Variants in TPST1 observed in about 807,000 individuals in gnomAD.
The protein encoded by TPST1 is tyrosylprotein sulfotransferase 1, also known as protein-tyrosine sulfotransferase 1.
TPST1 carries 20 observed loss-of-function variants against 34.8 expected under a neutral mutation model. The observed-to-expected ratio is 0.57, with a 90% CI of 0.40 to 0.84. TPST1 has a LOEUF of 0.84. TPST1 is among the 40% of genes least tolerant of loss of function. The pLI is 0.00. For synonymous variants in TPST1, 152 were observed against 159.4 expected, an observed-to-expected ratio of 0.95 and a Z score of 0.35; for missense variants, 353 against 455.5, an observed-to-expected ratio of 0.78 and a Z score of 2.05.
At chr7:66,268,040 C>T (rs1164132125) in intron 2 of TPST1, among the ~76,000 whole-genome samples, 1 of 152,026 alleles carries the variant, frequency 6.6e-6, no homozygotes, top group East Asian at 1.9e-4. Flanking sequence ...GCAACCTCCT[C>T]CTCTCGGGCT....
At chr7:66,237,946 A>G (rs901598506) in intron 1 of TPST1, among the ~76,000 whole-genome samples, 6 of 152,192 alleles carry the variant, frequency 3.9e-5, no homozygotes, top group African/African-American at 1.2e-4. Flanking sequence ...TGTAACTGTT[A>G]CAGGGAGGCC....
chr7:66,201,722 G>A (rs541313508), upstream of TPST1, among the ~76,000 whole-genome samples: 27 of 151,738 alleles, frequency 1.8e-4, no homozygotes, highest in Non-Finnish European at 2.2e-4. Context: ...AGTGGGTGGC[G>A]TGCACCCGTA....
chr7:66,356,474 T>A (rs1412723828), intron 4 of TPST1, among the ~76,000 whole-genome samples: 2 of 152,192 alleles, frequency 1.3e-5, no homozygotes, highest in Admixed American at 1.3e-4. Context: ...CAACCTCCCC[T>A]CCCCAGAGTT....
intron 2 of TPST1, among the ~76,000 whole-genome samples, chr7:66,278,100 CAAAAAAAAAAAAAAA>C (rs35654351): frequency 8.0e-5 from 4 of 50,258 alleles, no homozygotes; most frequent in Admixed American, 7.0e-4. Context: ...GACTCCATCT[CAAAAAAAAAAAAAAA>C]AAAAAAAAAA....
At chr7:66,251,248 A>G (rs762699324) in intron 2 of TPST1, among the ~76,000 whole-genome samples, 2 of 152,174 alleles carry the variant, frequency 1.3e-5, no homozygotes, top group Non-Finnish European at 2.9e-5. Flanking sequence ...CTTTATTATT[A>G]TAATAATAAG....
At chr7:66,337,842 A>C (rs1792153213) in intron 3 of TPST1, among the ~76,000 whole-genome samples, 1 of 152,230 alleles carries the variant, frequency 6.6e-6, no homozygotes, top group African/African-American at 2.4e-5. Context: ...CCTATAATAG[A>C]TACACTAAAA....
rs143171032 is a variant in TPST1 at position 66,282,996 on chromosome 7, C to T, written c.846-3515C>T. Among the ~76,000 whole-genome samples, 48 of 152,218 alleles carry T rather than the reference C, an allele frequency of 3.2e-4. No individual in the cohort carries two copies. The East Asian group carries it at 5.2e-3, about 17-fold the overall frequency. The stretch of plus-strand genomic sequence containing the variant: ...TCTAACCATACCACGTGGCTGGGCA[C>T]GGTGGCTCATGCCTGTAGTCCCAGC... On this transcript the variant is annotated intron_variant, in intron 2 of 5. Coordinates refer to ENST00000304842, the MANE Select transcript of TPST1 (RefSeq NM_003596.4).
chr7:66,223,452 C>T (rs1348355045), intron 1 of TPST1, among the ~76,000 whole-genome samples: 1 of 121,460 alleles, frequency 8.2e-6, no homozygotes, highest in African/African-American at 3.0e-5. Context: ...GAGTAAGACC[C>T]TGTCTCAAAA....
At chr7:66,348,839 A>T (rs544837864) in intron 3 of TPST1, among the ~76,000 whole-genome samples, 1 of 152,186 alleles carries the variant, frequency 6.6e-6, no homozygotes, top group Non-Finnish European at 1.5e-5. Context: ...AAATCTTCAG[A>T]CAGCTGCCCA....
intron 2 of TPST1, among the ~76,000 whole-genome samples, 164 bp downstream of exon 2, chr7:66,241,434 C>G (rs1385733369): frequency 6.6e-6 from 1 of 152,068 alleles, no homozygotes; most frequent in Non-Finnish European, 1.5e-5. Context: ...GATGAGGTTT[C>G]TTTTTTTATT....
chr7:66,247,803 A>C (rs1466234820), intron 2 of TPST1, among the ~76,000 whole-genome samples: 15 of 152,076 alleles, frequency 9.9e-5, no homozygotes, highest in Non-Finnish European at 4.4e-5. Context: ...ATTCAAAGGG[A>C]AGAGGTAGTA....
chr7:66,255,985 G>A (rs1226388203), intron 2 of TPST1, among the ~76,000 whole-genome samples: 2 of 152,134 alleles, frequency 1.3e-5, no homozygotes, highest in Non-Finnish European at 2.9e-5. Flanking sequence ...TGGCCAAATG[G>A]TGGTAGTCTA....
At chr7:66,212,528 C>G (rs942410841) in intron 1 of TPST1, among the ~76,000 whole-genome samples, 3 of 150,910 alleles carry the variant, frequency 2.0e-5, no homozygotes, top group Admixed American at 6.6e-5. Context: ...GATATGATCT[C>G]GGCTCACTGC....
chr7:66,211,926 A>ACT (rs1278347060), intron 1 of TPST1, among the ~76,000 whole-genome samples: 7 of 152,198 alleles, frequency 4.6e-5, no homozygotes, highest in African/African-American at 1.7e-4. Context: ...ACATTGCACC[A>ACT]CTGCACTCCA....
intron 2 of TPST1, among the ~76,000 whole-genome samples, chr7:66,244,219 C>T (rs1790101599): frequency 6.6e-6 from 1 of 152,106 alleles, no homozygotes; most frequent in Admixed American, 6.5e-5. Context: ...TCCCAAAGTG[C>T]TGGGATTACA....
At chr7:66,223,010 A>G (rs1446287732) in intron 1 of TPST1, among the ~76,000 whole-genome samples, 1 of 152,134 alleles carries the variant, frequency 6.6e-6, no homozygotes, top group African/African-American at 2.4e-5. Flanking sequence ...AAGCTTAATG[A>G]TTTATCTAGT....
chr7:66,233,713 A>C (rs1789846307), intron 1 of TPST1, among the ~76,000 whole-genome samples: 1 of 152,224 alleles, frequency 6.6e-6, no homozygotes, highest in Admixed American at 6.5e-5. Context: ...TGCATGAAAT[A>C]TTCAAATCAG....
chr7:66,303,391 G>GTATGTATGTATGTATGTATGTA (rs1554350572), intron 3 of TPST1, among the ~76,000 whole-genome samples: 10 of 150,046 alleles, frequency 6.7e-5, no homozygotes, highest in Non-Finnish European at 1.2e-4. Context: ...ACAGCTGTGT[G>GTATGTATGTATGTATGTATGTA]TGTATGTATG....
chr7:66,314,815 A>C (rs1791601346), intron 3 of TPST1, among the ~76,000 whole-genome samples: 1 of 152,230 alleles, frequency 6.6e-6, no homozygotes, highest in African/African-American at 2.4e-5. Flanking sequence ...AAACATATCT[A>C]AACATAGGAA....
Sources: gnomAD v4.1 joint callset for allele counts (sites outside exome capture counted in the v4.1 genomes callset) on GRCh38, gnomAD v4.1.1 for gene constraint, MANE v1.5 for transcripts, NCBI Gene and HGNC (gene_info 2026-07-23, HGNC 2026-07-21) for gene names.